Variants in FAM13C observed in about 807,000 individuals in gnomAD.
The protein encoded by FAM13C is protein FAM13C.
Under a neutral mutation model 73.2 loss-of-function variants are expected in FAM13C, and 37 were observed. The ratio of observed to expected loss-of-function variants is 0.51; its 90% CI spans 0.39 to 0.67. FAM13C has a LOEUF of 0.67. Among genes scored for constraint, FAM13C ranks in the 30% least tolerant of loss-of-function variants. The pLI is 0.00. For synonymous variants in FAM13C, 246 were observed against 260.9 expected (o/e 0.94, Z 0.55); for missense variants, 589 against 715.6 (o/e 0.82, Z 2.02).
chr10:59,357,944 G>A (rs1423423281), intron 1 of FAM13C, among the ~76,000 whole-genome samples: 1 of 152,016 alleles, frequency 6.6e-6, no homozygotes, highest in Non-Finnish European at 1.5e-5. Flanking sequence ...TTCTTTACTG[G>A]CAATGGTGTA....
At chr10:59,361,929 T>C (rs1167444661) in intron 1 of FAM13C, among the ~76,000 whole-genome samples, 1 of 152,122 alleles carries the variant, frequency 6.6e-6, no homozygotes, top group Non-Finnish European at 1.5e-5. Flanking sequence ...AAGTTTACTC[T>C]GATATGCCTT....
At chr10:59,362,797 G>A (rs981187155), upstream of FAM13C, 3 of 372,730 alleles carry the variant, frequency 8.0e-6, no homozygotes, top group African/African-American at 6.4e-5. Context: ...TGGGCTCTTT[G>A]TGCCAGCCAC....
At chr10:59,304,084 G>A (rs923951146) in intron 4 of FAM13C, among the ~76,000 whole-genome samples, 3 of 152,236 alleles carry the variant, frequency 2.0e-5, no homozygotes, top group Non-Finnish European at 4.4e-5. Context: ...GGAGGCGGAG[G>A]TTGCAATAAG....
At chr10:59,251,835 C>T (rs1841411231) in intron 12 of FAM13C, among the ~76,000 whole-genome samples, 159 bp from the exon 13 acceptor site, 1 of 151,984 alleles carries the variant, frequency 6.6e-6, no homozygotes, top group East Asian at 1.9e-4. Context: ...AGAGCCTGAC[C>T]ATAGGCAAGC....
At chr10:59,263,619 G>A (rs1049083256) in intron 9 of FAM13C, among the ~76,000 whole-genome samples, 2 of 152,172 alleles carry the variant, frequency 1.3e-5, no homozygotes, top group South Asian at 2.1e-4. Context: ...GAGAAAGACA[G>A]AAAAAGAAGG....
intron 5 of FAM13C, among the ~76,000 whole-genome samples, chr10:59,286,721 T>C (rs1845612974): frequency 6.6e-6 from 1 of 151,324 alleles, no homozygotes; most frequent in South Asian, 2.1e-4. Flanking sequence ...TTAATGTCAC[T>C]GAACTACACA....
At chr10:59,357,723 T>C (rs1448132601) in intron 1 of FAM13C, among the ~76,000 whole-genome samples, 3 of 152,220 alleles carry the variant, frequency 2.0e-5, no homozygotes, top group African/African-American at 7.2e-5. Flanking sequence ...TTTTTATTCT[T>C]GTCTCAGACA....
At chr10:59,293,896 A>G (rs894703342) in intron 5 of FAM13C, among the ~76,000 whole-genome samples, 5 of 152,232 alleles carry the variant, frequency 3.3e-5, no homozygotes, top group African/African-American at 1.2e-4. Context: ...AAACATTTCA[A>G]AGGTCACAGC....
In FAM13C at chr10:59,253,109, A is replaced by C. The variant is rs993595542; in HGVS notation, c.1333-111T>G. ...TCAATGCCATGAAAACCAGTAGGTG[A>C]CCCATGTGCCTACTGAGAACTGGGA... is the stretch of plus-strand genomic sequence containing the variant. On this transcript the variant is annotated intron_variant, in intron 11 of 13. Transcript: ENST00000618804. 1.2e-5 allele frequency: 12 copies of C among 1,025,484 alleles called. No homozygotes were observed. In the African/African-American group the frequency reaches 1.6e-4, roughly 14 times the overall value. 63.5% of individuals were successfully genotyped at this position (1,025,484 alleles called of 1,614,324 possible).
At chr10:59,339,342 T>C (rs1564608039) in intron 3 of FAM13C, among the ~76,000 whole-genome samples, 1 of 152,028 alleles carries the variant, frequency 6.6e-6, no homozygotes, top group Non-Finnish European at 1.5e-5. Flanking sequence ...AGAGGGAAAA[T>C]ATTCCCTATA....
intron 6 of FAM13C, among the ~76,000 whole-genome samples, chr10:59,279,230 C>G (rs1844662894): frequency 6.6e-6 from 1 of 152,158 alleles, no homozygotes; most frequent in Admixed American, 6.5e-5. Flanking sequence ...GGATCTCAGA[C>G]AGCTGTAAAT....
intron 2 of FAM13C, among the ~76,000 whole-genome samples, chr10:59,354,792 A>G (rs958742856): frequency 6.6e-6 from 1 of 151,946 alleles, no homozygotes; most frequent in Non-Finnish European, 1.5e-5. Context: ...ACCCTAGGAA[A>G]ATCTGTTCTT....
At chr10:59,302,968 C>A in intron 4 of FAM13C, 104 bp from the exon 5 acceptor site, 1 of 972,790 alleles carries the variant, frequency 1.0e-6, no homozygotes, top group East Asian at 2.5e-5. Context: ...GATAAAAACC[C>A]TTGGTTGTGT....
At chr10:59,318,693 A>G (rs1388052521) in intron 4 of FAM13C, among the ~76,000 whole-genome samples, 1 of 151,616 alleles carries the variant, frequency 6.6e-6, no homozygotes, top group Non-Finnish European at 1.5e-5. Context: ...AGTGAAGGAG[A>G]GCCCTCCTTT....
intron 8 of FAM13C, among the ~76,000 whole-genome samples, chr10:59,264,796 A>G (rs1040652697): frequency 2.6e-5 from 4 of 152,268 alleles, no homozygotes; most frequent in Middle Eastern, 6.8e-3. Context: ...AGTCAAACAT[A>G]CTGTCCCTCT....
chr10:59,314,887 A>T (rs187135614), intron 4 of FAM13C, among the ~76,000 whole-genome samples: 1 of 152,216 alleles, frequency 6.6e-6, no homozygotes, highest in Admixed American at 6.5e-5. Context: ...GGCTTTAAAC[A>T]TTATTTAAAC....
intron 5 of FAM13C, among the ~76,000 whole-genome samples, chr10:59,283,921 A>G (rs1192066489): frequency 2.0e-5 from 3 of 152,088 alleles, no homozygotes; most frequent in Admixed American, 2.0e-4. Flanking sequence ...TCATCCCTCC[A>G]AAGCAAAGAC....
chr10:59,280,240 T>G (rs778707271), intron 6 of FAM13C, among the ~76,000 whole-genome samples: 19 of 152,212 alleles, frequency 1.2e-4, no homozygotes, highest in Non-Finnish European at 2.6e-4. Context: ...AGGACAATCC[T>G]GTGCAAACCA....
chr10:59,259,715 A>G (rs1321563112), intron 10 of FAM13C, among the ~76,000 whole-genome samples: 1 of 152,190 alleles, frequency 6.6e-6, no homozygotes, highest in Admixed American at 6.5e-5. Flanking sequence ...AAAATAATAG[A>G]TACTTCATTA....
Sources: allele counts gnomAD v4.1 joint callset (sites outside exome capture counted in the v4.1 genomes callset), GRCh38; gene constraint gnomAD v4.1.1; transcripts MANE v1.5; gene names NCBI Gene and HGNC (gene_info 2026-07-23, HGNC 2026-07-21).